Variants in LDLRAD3 observed in about 807,000 individuals in gnomAD.
LDLRAD3 encodes low density lipoprotein receptor class A domain containing 3, also known as low-density lipoprotein receptor class A domain-containing protein 3.
A neutral mutation model predicts 29.4 loss-of-function variants in LDLRAD3; 20 were observed. That is an observed-to-expected ratio of 0.68 (90% CI 0.48 to 0.99). The LOEUF is 0.99. Among genes scored for constraint, LDLRAD3 ranks in the 50% least tolerant of loss-of-function variants. LDLRAD3 has a pLI of 0.00. For missense variants in LDLRAD3, 420 were observed against 454.3 expected, an observed-to-expected ratio of 0.92 and a Z score of 0.69; for synonymous variants, 157 against 192.7, an observed-to-expected ratio of 0.81 and a Z score of 1.53.
intron 2 of LDLRAD3, among the ~76,000 whole-genome samples, chr11:36,056,054 G>A (rs1852615292): frequency 6.9e-6 from 1 of 145,342 alleles, no homozygotes; most frequent in African/African-American, 2.6e-5. Flanking sequence ...GGAGTGCAGT[G>A]GCATGATCTC....
chr11:35,975,656 C>T (rs758155856), intron 1 of LDLRAD3, among the ~76,000 whole-genome samples: 21 of 152,046 alleles, frequency 1.4e-4, no homozygotes, highest in African/African-American at 4.3e-4. Flanking sequence ...AAAACCAAAA[C>T]GAAATAACAA....
intron 1 of LDLRAD3, among the ~76,000 whole-genome samples, chr11:36,022,765 T>C (rs1190724409): frequency 6.6e-6 from 1 of 152,204 alleles, no homozygotes; most frequent in Non-Finnish European, 1.5e-5. Flanking sequence ...TACCTTTTCA[T>C]AGGCTACCCT....
At chr11:36,099,394 A>G (rs772376196) in intron 4 of LDLRAD3, among the ~76,000 whole-genome samples, 2 of 152,214 alleles carry the variant, frequency 1.3e-5, no homozygotes, top group Non-Finnish European at 2.9e-5. Flanking sequence ...ATATATTTCT[A>G]ATGTTATAAA....
At chr11:35,977,756 G>A (rs1361121632) in intron 1 of LDLRAD3, among the ~76,000 whole-genome samples, 1 of 152,138 alleles carries the variant, frequency 6.6e-6, no homozygotes, top group Non-Finnish European at 1.5e-5. Context: ...TGTCTGGTGA[G>A]GGCGCTCTGC....
At chr11:36,009,743 C>G (rs945013920) in intron 1 of LDLRAD3, among the ~76,000 whole-genome samples, 1 of 152,150 alleles carries the variant, frequency 6.6e-6, no homozygotes, top group African/African-American at 2.4e-5. Flanking sequence ...TCATTTCCTG[C>G]AACATTTTTT....
intron 1 of LDLRAD3, among the ~76,000 whole-genome samples, chr11:36,033,711 T>C (rs446437): frequency 0.56 from 84,668 of 152,016 alleles, 24,350 homozygotes; most frequent in Admixed American, 0.65. Flanking sequence ...GTTGAGCATT[T>C]GTTGTCTGGC....
At chr11:36,221,003 G>C (rs1855418717) in intron 4 of LDLRAD3, among the ~76,000 whole-genome samples, 2 of 152,160 alleles carry the variant, frequency 1.3e-5, no homozygotes, top group African/African-American at 2.4e-5. Flanking sequence ...GGATGAGGAA[G>C]AGTCAGTTTG....
At chr11:36,033,546 T>TGGA (rs889813544) in intron 1 of LDLRAD3, among the ~76,000 whole-genome samples, 1 of 152,220 alleles carries the variant, frequency 6.6e-6, no homozygotes, top group Non-Finnish European at 1.5e-5. Flanking sequence ...GGGCTTGCCT[T>TGGA]GGAGGAGCTA....
intron 1 of LDLRAD3, among the ~76,000 whole-genome samples, chr11:35,947,397 C>G (rs1237248028): frequency 1.3e-5 from 2 of 151,966 alleles, no homozygotes; most frequent in South Asian, 4.1e-4. Context: ...GTAATCCCAG[C>G]TACTCCGGAG....
chr11:36,075,803 C>T (rs1226673741), intron 2 of LDLRAD3, among the ~76,000 whole-genome samples: 1 of 152,122 alleles, frequency 6.6e-6, no homozygotes. Context: ...ATTTTGTTGG[C>T]CTCAGATATT....
intron 3 of LDLRAD3, among the ~76,000 whole-genome samples, chr11:36,092,674 T>C (rs936572984): frequency 6.6e-6 from 1 of 152,184 alleles, no homozygotes; most frequent in African/African-American, 2.4e-5. Context: ...TTGCTGCCAG[T>C]TTGTCTGCAA....
At chr11:36,207,235 T>C (rs1342632429) in intron 4 of LDLRAD3, among the ~76,000 whole-genome samples, 1 of 152,102 alleles carries the variant, frequency 6.6e-6, no homozygotes, top group African/African-American at 2.4e-5. Flanking sequence ...GACTTCTCCA[T>C]AGGGCAGCTC....
chr11:36,156,294 A>T (rs553397430), intron 4 of LDLRAD3, among the ~76,000 whole-genome samples: 1 of 152,194 alleles, frequency 6.6e-6, no homozygotes, highest in Non-Finnish European at 1.5e-5. Flanking sequence ...ACGATCCCCA[A>T]CTGAAGAGCT....
At chr11:36,169,415 T>C (rs1854563308) in intron 4 of LDLRAD3, among the ~76,000 whole-genome samples, 2 of 152,218 alleles carry the variant, frequency 1.3e-5, no homozygotes, top group Non-Finnish European at 2.9e-5. Flanking sequence ...CGTTTGTACC[T>C]ATTAACCAAA....
At chr11:36,217,871 G>A (rs191940960) in intron 4 of LDLRAD3, among the ~76,000 whole-genome samples, 18 of 152,224 alleles carry the variant, frequency 1.2e-4, no homozygotes, top group Admixed American at 1.0e-3. Flanking sequence ...CTCCTTCTCT[G>A]TCTCTCATAA....
intron 4 of LDLRAD3, among the ~76,000 whole-genome samples, chr11:36,165,895 C>T (rs903987770): frequency 6.6e-6 from 1 of 150,604 alleles, no homozygotes; most frequent in African/African-American, 2.4e-5. Context: ...TTTTAGTAAC[C>T]GTTGAGTGCC....
chr11:36,196,733 TG>T (rs1327678149), intron 4 of LDLRAD3: 1 of 152,270 alleles, frequency 6.6e-6, no homozygotes, highest in East Asian at 1.9e-4. Flanking sequence ...TCTTCAGCTC[TG>T]CATACAGTCA....
chr11:36,023,733 GC>G (rs1429868058), intron 1 of LDLRAD3, among the ~76,000 whole-genome samples: 3 of 152,126 alleles, frequency 2.0e-5, no homozygotes, highest in African/African-American at 7.2e-5. Flanking sequence ...GTCTGTTACT[GC>G]CTTACTTTAT....
intron 1 of LDLRAD3, among the ~76,000 whole-genome samples, chr11:35,994,699 C>A (rs537403065): frequency 6.6e-6 from 1 of 152,352 alleles, no homozygotes; most frequent in East Asian, 1.9e-4. Flanking sequence ...ATGCGCAGAA[C>A]AACTTCTTTC....
Sources: gnomAD v4.1 joint callset for allele counts (sites outside exome capture counted in the v4.1 genomes callset) on GRCh38, gnomAD v4.1.1 for gene constraint, MANE v1.5 for transcripts, NCBI Gene and HGNC (gene_info 2026-07-23, HGNC 2026-07-21) for gene names.